The following PDE4D variants were observed in gnomAD, a reference collection of about 807,000 sequenced individuals.
The protein encoded by PDE4D is phosphodiesterase 4D, also known as 3',5'-cyclic-AMP phosphodiesterase 4D.
A neutral mutation model predicts 87.4 loss-of-function variants in PDE4D; 24 were observed. The ratio of observed to expected loss-of-function variants is 0.27; its 90% CI spans 0.20 to 0.39. PDE4D has a LOEUF of 0.39. PDE4D is among the 10% of genes least tolerant of loss of function. The pLI, the probability that PDE4D is intolerant of heterozygous loss-of-function variation, is 1.00. For synonymous variants in PDE4D, 384 were observed against 383.2 expected, an observed-to-expected ratio of 1.00 and a Z score of -0.02; for missense variants, 714 against 1,041.0, an observed-to-expected ratio of 0.69 and a Z score of 4.32.
chr5:59,624,436 C>G (rs1241623428), intron 1 of PDE4D, among the ~76,000 whole-genome samples: 1 of 152,148 alleles, frequency 6.6e-6, no homozygotes, highest in African/African-American at 2.4e-5. Context: ...TTGCTTTACC[C>G]CTTTAAGCTT....
intron 5 of PDE4D, among the ~76,000 whole-genome samples, chr5:59,094,128 G>T (rs1769243793): frequency 7.3e-6 from 1 of 137,442 alleles, no homozygotes; most frequent in Non-Finnish European, 1.5e-5. Flanking sequence ...TGAGGCAGGA[G>T]AATTGCTTGA....
intron 5 of PDE4D, among the ~76,000 whole-genome samples, chr5:59,057,941 A>G (rs1198562739): frequency 6.6e-6 from 1 of 152,214 alleles, no homozygotes; most frequent in Non-Finnish European, 1.5e-5. Flanking sequence ...AGACTGGCAA[A>G]TATTATGTTT....
At chr5:60,192,410 A>G (rs566101783) in intron 1 of PDE4D, among the ~76,000 whole-genome samples, 4 of 152,306 alleles carry the variant, frequency 2.6e-5, no homozygotes, top group African/African-American at 9.6e-5. Flanking sequence ...GGTATTATAC[A>G]CTTTTATATC....
chr5:60,140,812 C>A (rs1374061008), intron 2 of PDE4D, among the ~76,000 whole-genome samples: 1 of 152,072 alleles, frequency 6.6e-6, no homozygotes, highest in Non-Finnish European at 1.5e-5. Context: ...TAAGCAAAAG[C>A]AAATTAAGGC....
intron 1 of PDE4D, among the ~76,000 whole-genome samples, chr5:59,821,974 G>A (rs1300715780): frequency 1.3e-5 from 2 of 152,044 alleles, no homozygotes; most frequent in Admixed American, 1.3e-4. Flanking sequence ...AATTGTTTTG[G>A]TTTGGATTTG....
At chr5:60,280,146 C>T (rs1443107769) in intron 1 of PDE4D, among the ~76,000 whole-genome samples, 1 of 152,098 alleles carries the variant, frequency 6.6e-6, no homozygotes, top group East Asian at 1.9e-4. Flanking sequence ...CAACATTACT[C>T]AACATATGCA....
At chr5:60,317,919 A>G (rs1027693974) in intron 1 of PDE4D, among the ~76,000 whole-genome samples, 1 of 152,198 alleles carries the variant, frequency 6.6e-6, no homozygotes, top group African/African-American at 2.4e-5. Flanking sequence ...TATGTGGTCA[A>G]TTTTGGAATA....
chr5:60,109,021 A>C (rs1777368299), intron 2 of PDE4D, among the ~76,000 whole-genome samples: 2 of 152,204 alleles, frequency 1.3e-5, no homozygotes, highest in Non-Finnish European at 2.9e-5. Context: ...GGATCTAATT[A>C]AACTAAAGAG....
At chr5:59,597,613 C>T (rs1826889771) in intron 1 of PDE4D, among the ~76,000 whole-genome samples, 1 of 151,824 alleles carries the variant, frequency 6.6e-6, no homozygotes, top group Admixed American at 6.6e-5. Context: ...ACTCAAAAGG[C>T]AGAATTCCTT....
chr5:59,586,505 CAAA>C (rs11402131), intron 1 of PDE4D: 193 of 1,131,956 alleles, frequency 1.7e-4, no homozygotes, highest in Admixed American at 4.9e-4. Flanking sequence ...TATTGAATCC[CAAA>C]AAAAAAAAAA....
chr5:59,402,729 C>A (rs1790889393), intron 1 of PDE4D, among the ~76,000 whole-genome samples: 2 of 152,142 alleles, frequency 1.3e-5, no homozygotes, highest in Non-Finnish European at 1.5e-5. Context: ...GGGCTTAGAA[C>A]AAGTTGCAGG....
intron 1 of PDE4D, among the ~76,000 whole-genome samples, chr5:59,267,884 A>G (rs903559636): frequency 6.6e-6 from 1 of 152,022 alleles, no homozygotes; most frequent in Non-Finnish European, 1.5e-5. Context: ...AAGGGCTTGC[A>G]GGTGACCCCC....
chr5:59,181,996 C>T (rs1381289030), intron 4 of PDE4D, among the ~76,000 whole-genome samples: 1 of 152,110 alleles, frequency 6.6e-6, no homozygotes, highest in Non-Finnish European at 1.5e-5. Flanking sequence ...TAAATTCTCA[C>T]TGGTTCCACT....
exon 3 of PDE4D, chr5:59,988,700 T>C: frequency 1.3e-6 from 2 of 1,593,322 alleles, no homozygotes; most frequent in Non-Finnish European, 1.7e-6. Context: ...TACTGGAATG[T>C]AGTGTTTCCT....
At chr5:60,118,493 G>C (rs1778367548) in intron 2 of PDE4D, among the ~76,000 whole-genome samples, 1 of 151,680 alleles carries the variant, frequency 6.6e-6, no homozygotes, top group Admixed American at 6.6e-5. Context: ...CACTATATAT[G>C]GCAGATATAC....
chr5:60,218,271 C>T (rs1744101893), intron 1 of PDE4D, among the ~76,000 whole-genome samples: 1 of 151,984 alleles, frequency 6.6e-6, no homozygotes, highest in African/African-American at 2.4e-5. Context: ...TATAAGGTAT[C>T]ATTCCATTTC....
intron 1 of PDE4D, among the ~76,000 whole-genome samples, chr5:59,771,312 G>A (rs1003578847): frequency 1.3e-5 from 2 of 150,992 alleles, no homozygotes; most frequent in Non-Finnish European, 2.9e-5. Context: ...ATATTTAAAT[G>A]TCTGGCTCTA....
intron 1 of PDE4D, among the ~76,000 whole-genome samples, chr5:60,509,271 G>T (rs950026439): frequency 6.6e-6 from 1 of 152,144 alleles, no homozygotes; most frequent in East Asian, 1.9e-4. Context: ...AGCATTAAAC[G>T]TATCATGGAA....
At chr5:59,110,561 C>A (rs1772439632) in intron 5 of PDE4D, among the ~76,000 whole-genome samples, 2 of 152,184 alleles carry the variant, frequency 1.3e-5, no homozygotes, top group African/African-American at 4.8e-5. Context: ...TATCGGTATT[C>A]CTATTTTACC....
Sources: gnomAD v4.1 joint callset for allele counts (sites outside exome capture counted in the v4.1 genomes callset) on GRCh38, gnomAD v4.1.1 for gene constraint, MANE v1.5 for transcripts, NCBI Gene and HGNC (gene_info 2026-07-23, HGNC 2026-07-21) for gene names.